RNF38: variants seen among roughly 807,000 people sequenced by gnomAD.
RNF38 encodes E3 ubiquitin-protein ligase RNF38.
RNF38 carries 15 observed loss-of-function variants against 67.2 expected under a neutral mutation model. The ratio of observed to expected loss-of-function variants is 0.22; its 90% CI spans 0.15 to 0.34. RNF38 has a LOEUF of 0.34. RNF38 is among the 10% of genes least tolerant of loss of function. The probability of loss-of-function intolerance (pLI) is 1.00; values close to 1 mark genes in which losing one functional copy is unlikely to be tolerated. For missense variants in RNF38, 524 were observed against 639.9 expected, an observed-to-expected ratio of 0.82 and a Z score of 1.95; for synonymous variants, 220 against 218.8, an observed-to-expected ratio of 1.01 and a Z score of -0.05.
chr9:36,344,373 G>A (rs1833062234), intron 10 of RNF38, among the ~76,000 whole-genome samples: 1 of 152,094 alleles, frequency 6.6e-6, no homozygotes, highest in Non-Finnish European at 1.5e-5. Flanking sequence ...TATCAATAAA[G>A]CTATTTTTAA....
chr9:36,349,100 AGTATGG>A (rs1374668760), intron 9 of RNF38, among the ~76,000 whole-genome samples: 1 of 152,238 alleles, frequency 6.6e-6, no homozygotes, highest in Non-Finnish European at 1.5e-5. Flanking sequence ...GTCTGTTTAC[AGTATGG>A]TTTATGGAAC....
upstream of RNF38, among the ~76,000 whole-genome samples, chr9:36,403,451 T>C (rs1169115699): frequency 6.6e-6 from 1 of 152,214 alleles, no homozygotes; most frequent in East Asian, 1.9e-4. Flanking sequence ...CACACAGGGC[T>C]ACGGGACAGT....
intron 11 of RNF38, among the ~76,000 whole-genome samples, chr9:36,340,070 C>T (rs778674664): frequency 6.6e-6 from 1 of 152,152 alleles, no homozygotes; most frequent in Non-Finnish European, 1.5e-5. Flanking sequence ...ACCACTGCCT[C>T]CTGGGTTCAA....
At chr9:36,472,751 A>C (rs574963283) in intron 1 of RNF38, among the ~76,000 whole-genome samples, 10 of 152,212 alleles carry the variant, frequency 6.6e-5, no homozygotes, top group Non-Finnish European at 1.3e-4. Context: ...TTAAGATCTA[A>C]TGTTGAGAAT....
chr9:36,485,404 G>A (rs554082304), intron 1 of RNF38, among the ~76,000 whole-genome samples: 1 of 151,670 alleles, frequency 6.6e-6, no homozygotes, highest in Admixed American at 6.6e-5. Context: ...CTCTAAGGTG[G>A]TTGGATCCAT....
intron 2 of RNF38, among the ~76,000 whole-genome samples, chr9:36,423,513 GA>G (rs1451747570): frequency 6.6e-6 from 1 of 152,170 alleles, no homozygotes; most frequent in African/African-American, 2.4e-5. Context: ...ATAACACGCA[GA>G]AAATGGGAGG....
At chr9:36,423,948 C>CA (rs1176900248) in intron 2 of RNF38, among the ~76,000 whole-genome samples, 396 of 7,372 alleles carry the variant, frequency 0.054, 86 homozygotes, top group African/African-American at 0.069. Context: ...GACTCCGTCT[C>CA]AAAAAAAAAA....
At chr9:36,379,049 C>T (rs1421104951) in intron 2 of RNF38, among the ~76,000 whole-genome samples, 1 of 152,008 alleles carries the variant, frequency 6.6e-6, no homozygotes, top group East Asian at 1.9e-4. Context: ...TACAGGCATG[C>T]ACCACCATGC....
chr9:36,359,269 G>A (rs1176963941), intron 4 of RNF38, among the ~76,000 whole-genome samples: 1 of 150,578 alleles, frequency 6.6e-6, no homozygotes. Context: ...GCATATTTTT[G>A]TCTTTTGTGA....
At chr9:36,403,735 T>C (rs1587624192), upstream of RNF38, among the ~76,000 whole-genome samples, 1 of 152,234 alleles carries the variant, frequency 6.6e-6, no homozygotes, top group Non-Finnish European at 1.5e-5. Context: ...TTCTAATACA[T>C]GGGAATAACA....
At chr9:36,445,333 G>C (rs1839275933) in intron 1 of RNF38, among the ~76,000 whole-genome samples, 1 of 152,206 alleles carries the variant, frequency 6.6e-6, no homozygotes, top group Non-Finnish European at 1.5e-5. Context: ...ATACAAAGTA[G>C]ATTTTGTGGC....
intron 1 of RNF38, among the ~76,000 whole-genome samples, chr9:36,392,134 T>C (rs1837161939): frequency 6.6e-6 from 1 of 152,176 alleles, no homozygotes. Context: ...ATCCCTGCTG[T>C]TAATATATTA....
intron 9 of RNF38, among the ~76,000 whole-genome samples, chr9:36,348,634 C>T (rs776312786): frequency 2.6e-5 from 4 of 152,160 alleles, no homozygotes; most frequent in Non-Finnish European, 5.9e-5. Context: ...AAACCTAATC[C>T]AGAACAAGGT....
Position 36,390,603 on chromosome 9 carries a change from G to GC in RNF38, c.25dup (p.Ala9GlyfsTer11). On this transcript the variant is annotated frameshift_variant, in exon 2 of 12. Transcript: ENST00000259605. LOFTEE classifies it high-confidence loss of function. ...ATGGCCAGGTAGAGATGCTGAATTGGCCCCGGGAGATATCTGGGAAAAAGA... is the reference window on the plus strand; with the variant it reads ...ATGGCCAGGTAGAGATGCTGAATTGGCCCCCGGGAGATATCTGGGAAAAAGA... 1 of 1,614,048 alleles carries GC rather than the reference G, an allele frequency of 6.2e-7. No homozygotes were observed. Among genetic ancestry groups the GC allele is most frequent in the Non-Finnish European group, 8.5e-7 (1 of 1,179,950 alleles).
chr9:36,437,985 C>A (rs1280230090), intron 1 of RNF38, among the ~76,000 whole-genome samples: 3 of 152,172 alleles, frequency 2.0e-5, no homozygotes, highest in African/African-American at 7.2e-5. Context: ...CACTCTGTAG[C>A]CCCACGATGC....
chr9:36,451,596 G>A (rs1839449208), intron 1 of RNF38, among the ~76,000 whole-genome samples: 2 of 142,012 alleles, frequency 1.4e-5, no homozygotes, highest in Admixed American at 7.5e-5. Context: ...CGCCTCCCAG[G>A]TTCAAGCGAT....
intron 2 of RNF38, among the ~76,000 whole-genome samples, chr9:36,380,141 G>A (rs1005841694): frequency 2.6e-5 from 4 of 152,138 alleles, no homozygotes; most frequent in East Asian, 1.9e-4. Flanking sequence ...ATAAAATCAC[G>A]GACATTTAGT....
chr9:36,390,092 G>C (rs931884637), intron 2 of RNF38, among the ~76,000 whole-genome samples: 3 of 152,040 alleles, frequency 2.0e-5, no homozygotes, highest in African/African-American at 4.8e-5. Flanking sequence ...TCGAACTCTG[G>C]GTGCCAAGCA....
intron 1 of RNF38, among the ~76,000 whole-genome samples, chr9:36,457,291 A>C (rs1269108596): frequency 6.6e-6 from 1 of 152,208 alleles, no homozygotes; most frequent in African/African-American, 2.4e-5. Context: ...AGAAACCCAT[A>C]CTGCATACAG....
Sources: gnomAD v4.1 joint callset for allele counts (sites outside exome capture counted in the v4.1 genomes callset) on GRCh38, gnomAD v4.1.1 for gene constraint, MANE v1.5 for transcripts, NCBI Gene and HGNC (gene_info 2026-07-23, HGNC 2026-07-21) for gene names.